SUGCT: variants seen among roughly 807,000 people sequenced by gnomAD.
SUGCT encodes succinyl-CoA:glutarate CoA-transferase.
SUGCT carries 41 observed loss-of-function variants against 55.0 expected under a neutral mutation model. That is an observed-to-expected ratio of 0.74 (90% CI 0.58 to 0.97). The LOEUF (loss-of-function observed/expected upper bound fraction) is 0.97. Ranked by LOEUF, SUGCT falls within the 50% of genes least tolerant of loss-of-function variation. SUGCT has a pLI of 0.00. For missense variants in SUGCT, 568 were observed against 547.8 expected (o/e 1.04, Z -0.37); for synonymous variants, 187 against 200.4 (o/e 0.93, Z 0.56).
the SUGCT span, among the ~76,000 whole-genome samples, chr7:40,976,903 A>G: frequency 2.6e-5 from 4 of 152,204 alleles, no homozygotes; most frequent in African/African-American, 9.7e-5. Context: ...ATGGTCCCAC[A>G]TGCACCCTCT....
At chr7:40,153,464 G>T in intron 1 of SUGCT, 2 of 358,424 alleles carry the variant, frequency 5.6e-6, no homozygotes, top group East Asian at 7.5e-5. Context: ...CTGTGGGCAT[G>T]GCATTGACTA....
At chr7:40,233,612 T>C (rs895846895) in intron 6 of SUGCT, among the ~76,000 whole-genome samples, 2 of 152,234 alleles carry the variant, frequency 1.3e-5, no homozygotes, top group Non-Finnish European at 2.9e-5. Flanking sequence ...ATAATTTAAA[T>C]GCTTAGATGT....
the SUGCT span, among the ~76,000 whole-genome samples, chr7:40,898,488 G>GGGGGGGGGGC: frequency 2.3e-5 from 2 of 85,242 alleles, no homozygotes; most frequent in African/African-American, 1.4e-4. Context: ...GTCGGGGGGG[G>GGGGGGGGGGC]GGGGGGGGGT....
At chr7:40,350,277 C>CTTAT (rs202108546) in intron 9 of SUGCT, among the ~76,000 whole-genome samples, 3,868 of 137,062 alleles carry the variant, frequency 0.028, 51 homozygotes, top group East Asian at 0.048. Flanking sequence ...ATTACTATAT[C>CTTAT]TTATTTATTT....
intron 11 of SUGCT, among the ~76,000 whole-genome samples, chr7:40,473,819 A>C (rs1244140257): frequency 6.6e-6 from 1 of 152,194 alleles, no homozygotes; most frequent in East Asian, 1.9e-4. Flanking sequence ...AATTTGGTGC[A>C]TGGAGTCCAA....
intron 13 of SUGCT, among the ~76,000 whole-genome samples, chr7:40,847,614 A>C (rs1211212): frequency 6.6e-6 from 1 of 151,510 alleles, no homozygotes; most frequent in Non-Finnish European, 1.5e-5. Flanking sequence ...ACAGTGTTTC[A>C]CCATGTTGGC....
intron 11 of SUGCT, among the ~76,000 whole-genome samples, chr7:40,481,022 T>C (rs937380831): frequency 1.3e-5 from 2 of 152,148 alleles, no homozygotes; most frequent in African/African-American, 4.8e-5. Context: ...TCAACATTTT[T>C]TAAAAAATCA....
intron 12 of SUGCT, among the ~76,000 whole-genome samples, chr7:40,617,085 CT>C (rs891884713): frequency 6.6e-5 from 10 of 151,544 alleles, no homozygotes; most frequent in African/African-American, 2.4e-4. Context: ...TCTTTTTCTT[CT>C]TGTTTAATAT....
the SUGCT span, among the ~76,000 whole-genome samples, chr7:40,891,180 A>C: frequency 6.6e-6 from 1 of 152,190 alleles, no homozygotes; most frequent in African/African-American, 2.4e-5. Context: ...AGGGAACCCA[A>C]TATAAGCATT....
At chr7:40,984,705 G>A in the SUGCT span, among the ~76,000 whole-genome samples, 2,356 of 152,286 alleles carry the variant, frequency 0.015, 54 homozygotes, top group African/African-American at 0.053. Context: ...ATGGCATTGA[G>A]TGTGTAATTA....
chr7:40,856,325 T>G (rs1302987215), intron 13 of SUGCT, among the ~76,000 whole-genome samples: 2 of 152,198 alleles, frequency 1.3e-5, no homozygotes, highest in African/African-American at 4.8e-5. Flanking sequence ...GAAGGCAATA[T>G]ATATACTCAA....
At chr7:40,556,147 A>G (rs1371957379) in intron 12 of SUGCT, among the ~76,000 whole-genome samples, 1 of 151,802 alleles carries the variant, frequency 6.6e-6, no homozygotes, top group Non-Finnish European at 1.5e-5. Flanking sequence ...CCACTTTTTG[A>G]CCTCTGTTAA....
At chr7:40,592,895 C>G (rs937821642) in intron 12 of SUGCT, among the ~76,000 whole-genome samples, 1 of 152,112 alleles carries the variant, frequency 6.6e-6, no homozygotes, top group Non-Finnish European at 1.5e-5. Context: ...ACACATTTAT[C>G]AGTGATAAAT....
chr7:40,994,483 A>G, the SUGCT span, among the ~76,000 whole-genome samples: 1 of 152,070 alleles, frequency 6.6e-6, no homozygotes, highest in African/African-American at 2.4e-5. Context: ...CCCATGCCCC[A>G]AGTGTAAAGA....
the SUGCT span, among the ~76,000 whole-genome samples, chr7:40,971,064 A>T: frequency 2.0e-5 from 3 of 152,216 alleles, no homozygotes; most frequent in African/African-American, 7.2e-5. Flanking sequence ...CAGAGGTTTA[A>T]TTGGCTCACG....
chr7:40,418,819 T>C (rs879945062), intron 9 of SUGCT, among the ~76,000 whole-genome samples: 5 of 152,190 alleles, frequency 3.3e-5, no homozygotes, highest in Non-Finnish European at 5.9e-5. Flanking sequence ...ATGACATTTT[T>C]CCTCTGCCCT....
chr7:40,394,613 A>G (rs1785619396), intron 9 of SUGCT, among the ~76,000 whole-genome samples: 3 of 152,236 alleles, frequency 2.0e-5, no homozygotes, highest in Non-Finnish European at 2.9e-5. Flanking sequence ...ATGTTGTGCA[A>G]TAGATCTCTT....
intron 6 of SUGCT, among the ~76,000 whole-genome samples, chr7:40,203,515 C>T (rs542991730): frequency 5.9e-5 from 9 of 152,240 alleles, no homozygotes; most frequent in Admixed American, 5.9e-4. Flanking sequence ...TGGCTCATGC[C>T]TGTAATCCCA....
At chr7:40,960,667 T>C in the SUGCT span, among the ~76,000 whole-genome samples, 2 of 152,240 alleles carry the variant, frequency 1.3e-5, no homozygotes, top group African/African-American at 4.8e-5. Context: ...TGGAGACATT[T>C]GGGTAACTTT....
Sources: gnomAD v4.1 joint callset for allele counts (sites outside exome capture counted in the v4.1 genomes callset) on GRCh38, gnomAD v4.1.1 for gene constraint, MANE v1.5 for transcripts, NCBI Gene and HGNC (gene_info 2026-07-23, HGNC 2026-07-21) for gene names.